Variants in SLC16A14 observed in about 807,000 individuals in gnomAD.
The protein encoded by SLC16A14 is solute carrier family 16 member 14.
A neutral mutation model predicts 35.8 loss-of-function variants in SLC16A14; 14 were observed. That is an observed-to-expected ratio of 0.39 (90% CI 0.26 to 0.61). The LOEUF (loss-of-function observed/expected upper bound fraction) is 0.61, where lower values mean the gene tolerates loss of function less well. SLC16A14 is among the 20% of genes least tolerant of loss of function. The pLI, the probability that SLC16A14 is intolerant of heterozygous loss-of-function variation, is 0.51. For missense variants in SLC16A14, 533 were observed against 655.0 expected, an observed-to-expected ratio of 0.81 and a Z score of 2.03; for synonymous variants, 248 against 258.9, an observed-to-expected ratio of 0.96 and a Z score of 0.40.
intron 4 of SLC16A14, among the ~76,000 whole-genome samples, chr2:230,037,759 C>G (rs761277579): frequency 2.0e-5 from 3 of 151,384 alleles, no homozygotes; most frequent in Non-Finnish European, 4.4e-5. Flanking sequence ...CACCAGTGTT[C>G]CCCGTGCCTA....
chr2:230,061,215 A>G lies in SLC16A14; in HGVS notation c.-14-1849T>C, dbSNP rs181735979. Among the ~76,000 whole-genome samples the G allele has an allele frequency of 7.2e-5, 11 of 152,362 alleles. No homozygotes were observed. The East Asian group carries it at 2.1e-3, about 29-fold the overall frequency. On this transcript the variant is annotated intron_variant, in intron 1 of 4. Coordinates refer to ENST00000295190, the MANE Select transcript of SLC16A14 (RefSeq NM_152527.5). The stretch of plus-strand genomic sequence containing the variant: ...TCTAAATCATCACTACATGCCAGCA[A>G]TTCTAGACAATTACACTGAAAAAAT...
At chr2:230,044,638 C>T (rs1013309146) in intron 4 of SLC16A14, among the ~76,000 whole-genome samples, 1 of 151,922 alleles carries the variant, frequency 6.6e-6, no homozygotes, top group African/African-American at 2.4e-5. Context: ...ACAAATTCCC[C>T]CCTAAAGCCT....
Position 230,046,733 on chromosome 2 carries a change from C to CTG in SLC16A14, c.404-12_404-11insCA. 4 of 1,578,556 alleles carry CTG rather than the reference C, an allele frequency of 2.5e-6. No individual in the cohort carries two copies. Among genetic ancestry groups the CTG allele is most frequent in the Non-Finnish European group, 3.4e-6 (4 of 1,168,022 alleles). On this transcript the variant is annotated splice_polypyrimidine_tract_variant and intron_variant, in intron 3 of 4. Transcript: ENST00000295190. The surrounding 1 kb of genome is among the most constrained non-coding windows in gnomAD (Gnocchi z 5.0). Reference sequence around the variant, plus strand: ...TCCCGCTGCCCAGGCCTGTACAGGCCGACGGGGGGAAGAAAAGACACAGTG... The same window carrying CTG: ...TCCCGCTGCCCAGGCCTGTACAGGCCTGGACGGGGGGAAGAAAAGACACAGTG...
At chr2:230,040,042 C>G (rs988790485) in intron 4 of SLC16A14, among the ~76,000 whole-genome samples, 5 of 152,060 alleles carry the variant, frequency 3.3e-5, no homozygotes, top group Admixed American at 3.3e-4. Context: ...TCTCTTGGCT[C>G]CTTGTCTGAA....
chr2:230,037,469 T>C lies in SLC16A14; in HGVS notation c.1444A>G (p.Met482Val). 6.2e-7 allele frequency: 1 copy of C among 1,612,956 alleles called. No homozygotes were observed. The highest frequency in any genetic ancestry group is 1.1e-5 in the South Asian group (1 of 90,730). ...FSFYICGLLY[M>V]IGILFLLIQP... is the part of the protein sequence containing the mutation. ...ATAAGTAAAAAGAGTATTCCTATCA[T>C]GTAAAGCAAACCACATATGTAGAAG... Residue 482 changes from methionine to valine, a missense_variant, in exon 5 of 5, where the codon ATG (methionine) becomes GTG (valine). By Grantham distance (21) the Met-to-Val change is conservative (BLOSUM62 1). Transcript: ENST00000295190.
chr2:230,051,176 T>C (rs1365567730), intron 2 of SLC16A14, among the ~76,000 whole-genome samples: 1 of 152,210 alleles, frequency 6.6e-6, no homozygotes, highest in East Asian at 1.9e-4. Flanking sequence ...TTGTTTTTGT[T>C]TTGATACAGG....
intron 4 of SLC16A14, 68 bp from the exon 5 acceptor site, chr2:230,037,599 AG>A: frequency 1.5e-6 from 2 of 1,312,988 alleles, no homozygotes; most frequent in Non-Finnish European, 2.1e-6. Flanking sequence ...AACATGAAGC[AG>A]GCATTTATTG....
rs111667181 is a variant in SLC16A14 at position 230,066,379 on chromosome 2, C to T, written c.-15+2176G>A. On this transcript the variant is annotated intron_variant, in intron 1 of 4. Transcript: ENST00000295190. ...AGCTTGACAAAAAATATTAGGGCTTCGTTATGAAGAGGGTGAAATAAGAAA... is the reference window on the plus strand; with the variant it reads ...AGCTTGACAAAAAATATTAGGGCTTTGTTATGAAGAGGGTGAAATAAGAAA... Among the ~76,000 whole-genome samples the T allele has an allele frequency of 3.5e-3, 539 of 151,910 alleles. 7 individuals are homozygous for T. The highest frequency in any genetic ancestry group is 0.012 in the African/African-American group (491 of 41,450).
chr2:230,045,695 C>G (rs114821206), intron 4 of SLC16A14, 50 bp downstream of exon 4: 1 of 1,602,464 alleles, frequency 6.2e-7, no homozygotes, highest in Non-Finnish European at 8.5e-7. Flanking sequence ...TATAACATAA[C>G]GCACCATATG....
At chr2:230,055,229 T>C (rs767971937) in intron 2 of SLC16A14, among the ~76,000 whole-genome samples, 5 of 151,886 alleles carry the variant, frequency 3.3e-5, no homozygotes, top group African/African-American at 9.7e-5. Flanking sequence ...AATGAGATCA[T>C]GTACATTAAC....
At chr2:230,065,964 A>T (rs2106283904) in intron 1 of SLC16A14, among the ~76,000 whole-genome samples, 1 of 152,254 alleles carries the variant, frequency 6.6e-6, no homozygotes, top group East Asian at 1.9e-4. Flanking sequence ...GACGATATGC[A>T]TGTGGCACCC....
rs2077526044 is a variant in SLC16A14, at chr2:230,037,299, T to C, written c.*81A>G. The C allele has an allele frequency of 2.9e-6, 4 of 1,360,980 alleles. No individual in the cohort carries two copies. Among genetic ancestry groups the C allele is most frequent in the Admixed American group, 2.6e-5 (1 of 37,784 alleles). The allele number at this position is 1,360,980 out of a possible 1,614,324, so 84.3% of individuals were successfully genotyped here. A position where few individuals can be genotyped will look rare whatever the true frequency, so the allele number is the denominator to read the frequency against. The stretch of plus-strand genomic sequence containing the variant: ...TTACCGTACAAAATGCTTTCCCACG[T>C]CCTGTCATAGGTGCCTCACAGCAAC... On this transcript the variant is annotated 3_prime_UTR_variant, in exon 5 of 5. Coordinates refer to ENST00000295190, the MANE Select transcript of SLC16A14 (RefSeq NM_152527.5).
At position 230,036,255 on chromosome 2, in the gene SLC16A14, C is replaced by T. The variant is rs1189536673; in HGVS notation, c.*1125G>A. Reference sequence around the variant, plus strand: ...ATTAGATGTCATGGATCACAGTCATCTTCTGTATGAAATCAATCAAGAGAA... The same window carrying T: ...ATTAGATGTCATGGATCACAGTCATTTTCTGTATGAAATCAATCAAGAGAA... On this transcript the variant is annotated 3_prime_UTR_variant, in exon 5 of 5. Transcript: ENST00000295190. The T allele has an allele frequency of 2.6e-5, 4 of 152,574 alleles. No homozygotes were observed. Among genetic ancestry groups the T allele is most frequent in the Non-Finnish European group, 5.9e-5 (4 of 68,032 alleles). 9.5% of individuals were successfully genotyped at this position (152,574 alleles called of 1,614,324 possible). A position where few individuals can be genotyped will look rare whatever the true frequency, so the allele number is the denominator to read the frequency against.
At chr2:230,056,823 T>C (rs1029571796) in intron 2 of SLC16A14, among the ~76,000 whole-genome samples, 7 of 149,652 alleles carry the variant, frequency 4.7e-5, no homozygotes, top group African/African-American at 1.7e-4. Context: ...TGAGTTACGA[T>C]TGTGCTACTG....
intron 1 of SLC16A14, among the ~76,000 whole-genome samples, chr2:230,062,109 A>G (rs6732261): frequency 0.19 from 29,203 of 152,034 alleles, 2,886 homozygotes; most frequent in Middle Eastern, 0.25. Flanking sequence ...CATAATGAGT[A>G]TTACTGACCA....
At chr2:230,050,336 C>T (rs1359409088) in intron 2 of SLC16A14, among the ~76,000 whole-genome samples, 1 of 152,232 alleles carries the variant, frequency 6.6e-6, no homozygotes, top group African/African-American at 2.4e-5. Flanking sequence ...TGGAGCTGTG[C>T]AGTGGCTGAG....
chr2:230,035,409 T>C lies in SLC16A14; in HGVS notation c.*1971A>G, dbSNP rs1248309053. ...TGGCTATAGCACCATTTAAAATATT[T>C]AACACTGCCTCTTGTTAGTTTGATG... On this transcript the variant is annotated 3_prime_UTR_variant, in exon 5 of 5. Transcript: ENST00000295190. 1 of 152,660 alleles carries C rather than the reference T, an allele frequency of 6.6e-6. No individual in the cohort carries two copies. Among genetic ancestry groups the C allele is most frequent in the Non-Finnish European group, 1.5e-5 (1 of 68,038 alleles). 9.5% of individuals were successfully genotyped at this position (152,660 alleles called of 1,614,324 possible). A position where few individuals can be genotyped will look rare whatever the true frequency, so the allele number is the denominator to read the frequency against.
At chr2:230,047,011 T>G (rs2077614547) in intron 3 of SLC16A14, among the ~76,000 whole-genome samples, 1 of 152,038 alleles carries the variant, frequency 6.6e-6, no homozygotes, top group Admixed American at 6.6e-5. Flanking sequence ...AAATAGAAGC[T>G]CCAGGCAGGC....
chr2:230,047,390 C>T (rs1034312207), intron 3 of SLC16A14, among the ~76,000 whole-genome samples: 3 of 146,432 alleles, frequency 2.0e-5, no homozygotes, highest in Non-Finnish European at 4.4e-5. Flanking sequence ...CAGCTCATTG[C>T]GTCCTCGAAC....
Sources: allele counts gnomAD v4.1 joint callset (sites outside exome capture counted in the v4.1 genomes callset), GRCh38; gene constraint gnomAD v4.1.1; non-coding constraint Gnocchi (gnomAD v3.1); transcripts MANE v1.5; gene names NCBI Gene and HGNC (gene_info 2026-07-23, HGNC 2026-07-21).